SPDYA: variants seen among roughly 807,000 people sequenced by gnomAD.
The protein encoded by SPDYA is speedy protein A.
SPDYA carries 11 observed loss-of-function variants against 36.7 expected under a neutral mutation model. The ratio of observed to expected loss-of-function variants is 0.30; its 90% confidence interval spans 0.19 to 0.50. SPDYA has a LOEUF of 0.50. SPDYA is among the 20% of genes least tolerant of loss of function. SPDYA has a pLI of 0.98. For missense variants in SPDYA, 287 were observed against 370.9 expected, an observed-to-expected ratio of 0.77 and a Z score of 1.86; for synonymous variants, 115 against 118.7, an observed-to-expected ratio of 0.97 and a Z score of 0.20.
intron 6 of SPDYA, among the ~76,000 whole-genome samples, chr2:28,836,494 A>G (rs1056756015): frequency 6.6e-6 from 1 of 152,194 alleles, no homozygotes; most frequent in African/African-American, 2.4e-5. Context: ...AAGAAAGAAC[A>G]TGTGCTGTCT....
chr2:28,825,937 G>A (rs1454123243), intron 5 of SPDYA, among the ~76,000 whole-genome samples: 1 of 151,658 alleles, frequency 6.6e-6, no homozygotes, highest in Non-Finnish European at 1.5e-5. Context: ...TAAAGATGGA[G>A]TTTTGCCATG....
rs190438327 is a variant in SPDYA, at chr2:28,849,423, C to T, written c.851-427C>T. On this transcript the variant is annotated intron_variant, in intron 7 of 7. Transcript: ENST00000334056. The stretch of plus-strand genomic sequence containing the variant: ...TCTCCTGCCTCAGCTTCCCAAGTAG[C>T]TGGGATTACAGGTGCCCGCCACCAC... Among the ~76,000 whole-genome samples the T allele has an allele frequency of 1.3e-3, 204 of 152,314 alleles. 1 individual carries two copies. Among genetic ancestry groups the T allele is most frequent in the Non-Finnish European group, 2.4e-3 (160 of 68,028 alleles).
At chr2:28,812,857 C>CAAAA (rs70956047) in intron 1 of SPDYA, among the ~76,000 whole-genome samples, 29 of 83,818 alleles carry the variant, frequency 3.5e-4, no homozygotes, top group South Asian at 8.8e-4. Flanking sequence ...AACTCCGTCT[C>CAAAA]AAAAAAAAAA....
chr2:28,843,151 A>G (rs563701037), intron 7 of SPDYA, among the ~76,000 whole-genome samples: 7 of 152,326 alleles, frequency 4.6e-5, no homozygotes, highest in Non-Finnish European at 8.8e-5. Context: ...TTTTGTTAAA[A>G]ACAACACATT....
chr2:28,848,204 C>T (rs1668931677), intron 7 of SPDYA, among the ~76,000 whole-genome samples: 1 of 152,166 alleles, frequency 6.6e-6, no homozygotes, highest in African/African-American at 2.4e-5. Flanking sequence ...ATACTCTGCT[C>T]CTGATTCAAT....
chr2:28,816,411 TC>T (rs963879109), intron 3 of SPDYA, among the ~76,000 whole-genome samples, 162 bp downstream of exon 3: 14 of 152,198 alleles, frequency 9.2e-5, no homozygotes, highest in African/African-American at 2.7e-4. Context: ...TCTTTTTTTT[TC>T]AATGTTGGGT....
chr2:28,817,837 G>A (rs1668025823), intron 3 of SPDYA, among the ~76,000 whole-genome samples: 1 of 103,238 alleles, frequency 9.7e-6, no homozygotes, highest in African/African-American at 3.8e-5. Context: ...GGGTGACAGA[G>A]CAAGACTCTG....
intron 6 of SPDYA, among the ~76,000 whole-genome samples, chr2:28,839,960 ATTTAC>A (rs1354707051): frequency 1.3e-5 from 2 of 152,304 alleles, no homozygotes; most frequent in East Asian, 1.9e-4. Flanking sequence ...GTTTAAAATA[ATTTAC>A]TTTGTCAATT....
chr2:28,824,768 C>A (rs1054945100), intron 5 of SPDYA, among the ~76,000 whole-genome samples: 1 of 151,904 alleles, frequency 6.6e-6, no homozygotes, highest in African/African-American at 2.4e-5. Context: ...CCAGGATGGT[C>A]TTGATCTCCT....
At chr2:28,833,210 AGC>A (rs1668518094) in intron 6 of SPDYA, among the ~76,000 whole-genome samples, 1 of 152,146 alleles carries the variant, frequency 6.6e-6, no homozygotes, top group Non-Finnish European at 1.5e-5. Flanking sequence ...TCTACTCAAA[AGC>A]CTCCAGTGTC....
At chr2:28,824,375 G>C (rs1167756332) in intron 5 of SPDYA, among the ~76,000 whole-genome samples, 1 of 150,634 alleles carries the variant, frequency 6.6e-6, no homozygotes, top group African/African-American at 2.4e-5. Flanking sequence ...TACTTGGGAG[G>C]CTGAGATGAA....
intron 4 of SPDYA, 99 bp downstream of exon 4, chr2:28,819,205 T>A: frequency 1.1e-6 from 1 of 936,050 alleles, no homozygotes; most frequent in Non-Finnish European, 1.6e-6. Flanking sequence ...TCTTATTAGT[T>A]ATGATTAAGA....
intron 6 of SPDYA, among the ~76,000 whole-genome samples, chr2:28,834,189 CA>C (rs2148097353): frequency 6.6e-6 from 1 of 152,132 alleles, no homozygotes; most frequent in South Asian, 2.1e-4. Context: ...ACTTCACACC[CA>C]CTATGATGGC....
chr2:28,819,377 A>T (rs894478403), intron 4 of SPDYA, among the ~76,000 whole-genome samples: 2 of 152,012 alleles, frequency 1.3e-5, no homozygotes, highest in African/African-American at 4.8e-5. Flanking sequence ...GTGTGGTGGC[A>T]TGCACCTGTA....
At chr2:28,848,658 T>C (rs987447206) in intron 7 of SPDYA, among the ~76,000 whole-genome samples, 2 of 152,168 alleles carry the variant, frequency 1.3e-5, no homozygotes, top group Admixed American at 1.3e-4. Flanking sequence ...TAATAAAAAA[T>C]TTACACACAT....
rs1319263316 is a variant in SPDYA at position 28,815,994 on chromosome 2, C to T, written c.-18-3C>T. 1 of 1,561,884 alleles carries T rather than the reference C, an allele frequency of 6.4e-7. No individual in the cohort carries two copies. The highest frequency in any genetic ancestry group is 8.8e-7 in the Non-Finnish European group (1 of 1,141,962). ...TGAATAATTGTATGTTTTATTTTTA[C>T]AGGAATATTGGGAAACCAAAATGAG... On this transcript the variant is annotated splice_region_variant and splice_polypyrimidine_tract_variant and intron_variant, in intron 2 of 7. Transcript: ENST00000334056.
chr2:28,846,142 C>T (rs1323650522), intron 7 of SPDYA, among the ~76,000 whole-genome samples: 1 of 152,106 alleles, frequency 6.6e-6, no homozygotes, highest in African/African-American at 2.4e-5. Flanking sequence ...TGGTGGCTCA[C>T]GCCTGTAATC....
intron 6 of SPDYA, among the ~76,000 whole-genome samples, chr2:28,837,155 T>C (rs1179200437): frequency 6.6e-6 from 1 of 152,200 alleles, no homozygotes; most frequent in East Asian, 1.9e-4. Context: ...ATATAGGGAA[T>C]GTATTGGAAA....
At position 28,825,446 on chromosome 2, in the gene SPDYA, T is replaced by C. The variant is rs929769961; in HGVS notation, c.380+3036T>C. ...ATATTAAAAATAACATGAATTATAA[T>C]TTCCATTTTAAGACTAATCATACTT... On this transcript the variant is annotated intron_variant, in intron 5 of 7. Transcript: ENST00000334056. Among the ~76,000 whole-genome samples, 8 of 152,332 alleles carry C rather than the reference T, an allele frequency of 5.3e-5. No homozygotes were observed. The East Asian group carries it at 9.6e-4, about 18-fold the overall frequency.
Sources: allele counts gnomAD v4.1 joint callset (sites outside exome capture counted in the v4.1 genomes callset), GRCh38; gene constraint gnomAD v4.1.1; transcripts MANE v1.5; gene names NCBI Gene and HGNC (gene_info 2026-07-23, HGNC 2026-07-21).